PLA2G5: variants seen among roughly 807,000 people sequenced by gnomAD.
PLA2G5 encodes the protein phospholipase A2 group V.
A neutral mutation model predicts 15.9 loss-of-function variants in PLA2G5; 12 were observed. The ratio of observed to expected loss-of-function variants is 0.76; its 90% CI spans 0.48 to 1.23. PLA2G5 has a LOEUF of 1.23. PLA2G5 is among the 50% of genes most tolerant of loss of function. The probability of loss-of-function intolerance (pLI) is 0.00; values close to 1 mark genes in which losing one functional copy is unlikely to be tolerated. For missense variants in PLA2G5, 169 were observed against 177.1 expected (o/e 0.95, Z 0.26); for synonymous variants, 71 against 71.4 (o/e 0.99, Z 0.03).
At chr1:20,065,273 A>T (rs1244885819), upstream of PLA2G5, among the ~76,000 whole-genome samples, 2 of 152,214 alleles carry the variant, frequency 1.3e-5, no homozygotes, top group Non-Finnish European at 2.9e-5. Context: ...TTGATATATT[A>T]TTATTAAAGC....
At chr1:20,071,500 C>CA (rs1466962518) in intron 1 of PLA2G5, among the ~76,000 whole-genome samples, 1 of 152,148 alleles carries the variant, frequency 6.6e-6, no homozygotes, top group African/African-American at 2.4e-5. Flanking sequence ...TTGCTCACAG[C>CA]CTGGTGGGAG....
intron 1 of PLA2G5, among the ~76,000 whole-genome samples, chr1:20,048,244 T>A (rs966280560): frequency 3.3e-5 from 5 of 152,186 alleles, no homozygotes; most frequent in African/African-American, 1.2e-4. Context: ...AAATCTTTAA[T>A]AAATAAGATA....
intron 1 of PLA2G5, among the ~76,000 whole-genome samples, chr1:20,040,654 C>T (rs1422066846): frequency 2.0e-5 from 3 of 151,980 alleles, no homozygotes; most frequent in Non-Finnish European, 4.4e-5. Flanking sequence ...CTGATAACTC[C>T]AATTCCAATC....
intron 1 of PLA2G5, among the ~76,000 whole-genome samples, chr1:20,041,239 A>T (rs1054127373): frequency 6.6e-6 from 1 of 152,136 alleles, no homozygotes; most frequent in Non-Finnish European, 1.5e-5. Flanking sequence ...GGCCCAAATC[A>T]ATAGAACAAT....
At chr1:20,063,601 T>A (rs562204083) in intron 2 of PLA2G5, 9 of 152,188 alleles carry the variant, frequency 5.9e-5, no homozygotes, top group Non-Finnish European at 1.3e-4. Context: ...AGGATGAGCA[T>A]GGTAGGTGCA....
At chr1:20,053,927 G>A (rs2014306175) in intron 1 of PLA2G5, among the ~76,000 whole-genome samples, 1 of 152,152 alleles carries the variant, frequency 6.6e-6, no homozygotes, top group East Asian at 1.9e-4. Flanking sequence ...TACAGTATTA[G>A]TTATCTATTG....
At chr1:20,083,179 C>T (rs1198169837) in intron 1 of PLA2G5, among the ~76,000 whole-genome samples, 1 of 151,838 alleles carries the variant, frequency 6.6e-6, no homozygotes, top group African/African-American at 2.4e-5. Flanking sequence ...GGAGCAGAGG[C>T]TATGGGTGGA....
At chr1:20,029,706 C>T (rs570751247) in intron 1 of PLA2G5, among the ~76,000 whole-genome samples, 5 of 152,252 alleles carry the variant, frequency 3.3e-5, no homozygotes, top group East Asian at 3.9e-4. Flanking sequence ...CCAGCACTTA[C>T]GTATCAGTCC....
intron 1 of PLA2G5, among the ~76,000 whole-genome samples, chr1:20,079,234 T>C (rs1337936521): frequency 2.6e-5 from 4 of 152,110 alleles, no homozygotes; most frequent in Non-Finnish European, 5.9e-5. Context: ...TTATGTCCTG[T>C]GAGAACATTC....
At chr1:20,066,143 A>T (rs1360539434), upstream of PLA2G5, 2 of 152,186 alleles carry the variant, frequency 1.3e-5, no homozygotes, top group East Asian at 3.8e-4. Flanking sequence ...TGTCATAGTT[A>T]TTTTGATTTG....
intron 3 of PLA2G5, among the ~76,000 whole-genome samples, chr1:20,087,722 T>C (rs2016365155): frequency 6.6e-6 from 1 of 151,948 alleles, no homozygotes; most frequent in Admixed American, 6.6e-5. Flanking sequence ...AAATGGTCAA[T>C]TCTAGGACCA....
intron 1 of PLA2G5, among the ~76,000 whole-genome samples, chr1:20,031,964 C>T (rs1390216082): frequency 2.6e-5 from 4 of 151,902 alleles, no homozygotes; most frequent in Non-Finnish European, 4.4e-5. Flanking sequence ...GCCAACTACC[C>T]GGTATAGAAG....
Position 20,091,682 on chromosome 1 carries a change from A to T in PLA2G5, c.*990A>T, listed in dbSNP as rs2016562339. Among the ~76,000 whole-genome samples, 1 of 151,144 alleles carries T rather than the reference A, an allele frequency of 6.6e-6. No homozygotes were observed. Among genetic ancestry groups the T allele is most frequent in the Admixed American group, 6.6e-5 (1 of 15,246 alleles). ...TTATTTTTTACAAAGTAAGGACATT[A>T]AAAAAACCAACCCGTCTATCAATTC... On this transcript the variant is annotated 3_prime_UTR_variant, in exon 5 of 5. Coordinates refer to ENST00000375108, the MANE Select transcript of PLA2G5 (RefSeq NM_000929.3).
At chr1:20,029,922 G>C (rs1432035882) in intron 1 of PLA2G5, among the ~76,000 whole-genome samples, 1 of 152,218 alleles carries the variant, frequency 6.6e-6, no homozygotes, top group East Asian at 1.9e-4. Context: ...ATAGGGGTGG[G>C]CAGACAAAAG....
chr1:20,083,925 G>A (rs187977572), intron 1 of PLA2G5, among the ~76,000 whole-genome samples: 1 of 151,896 alleles, frequency 6.6e-6, no homozygotes, highest in African/African-American at 2.4e-5. Flanking sequence ...TCTTTAGGTA[G>A]ACACAGTGCC....
In PLA2G5 at chr1:20,091,566, A is replaced by G. The variant is rs1267987181; in HGVS notation, c.*874A>G. On this transcript the variant is annotated 3_prime_UTR_variant, in exon 5 of 5. Coordinates refer to ENST00000375108, the MANE Select transcript of PLA2G5 (RefSeq NM_000929.3). ...CCTTGCAATGTAAAATGAGACTTCT[A>G]AAGCCCACCTTGATGCTGATATGGA... is the stretch of plus-strand genomic sequence containing the variant. Among the ~76,000 whole-genome samples, 6 of 152,194 alleles carry G rather than the reference A, an allele frequency of 3.9e-5. No homozygotes were observed. The highest frequency in any genetic ancestry group is 1.4e-4 in the African/African-American group (6 of 41,444).
At chr1:20,040,705 T>C (rs999792716) in intron 1 of PLA2G5, among the ~76,000 whole-genome samples, 3 of 152,176 alleles carry the variant, frequency 2.0e-5, no homozygotes, top group Admixed American at 1.3e-4. Context: ...AAATAAATCT[T>C]GAGGCCCCAA....
chr1:20,035,352 G>A (rs1272202398), intron 1 of PLA2G5, among the ~76,000 whole-genome samples: 1 of 152,140 alleles, frequency 6.6e-6, no homozygotes, highest in Non-Finnish European at 1.5e-5. Flanking sequence ...CAGGATGAGA[G>A]TTTTGGCCCT....
chr1:20,064,561 C>T (rs1286318834), intron 2 of PLA2G5, among the ~76,000 whole-genome samples: 4 of 146,118 alleles, frequency 2.7e-5, no homozygotes, highest in East Asian at 2.0e-4. Context: ...GGTGACAGAG[C>T]GAGACTCCAT....
Sources: gnomAD v4.1 joint callset for allele counts (sites outside exome capture counted in the v4.1 genomes callset) on GRCh38, gnomAD v4.1.1 for gene constraint, MANE v1.5 for transcripts, NCBI Gene and HGNC (gene_info 2026-07-23, HGNC 2026-07-21) for gene names.